CBFA2T2: variants seen among roughly 807,000 people sequenced by gnomAD.
CBFA2T2 encodes protein CBFA2T2.
CBFA2T2 carries 11 observed loss-of-function variants against 62.2 expected under a neutral mutation model. That is an observed-to-expected ratio of 0.18 (90% CI 0.11 to 0.29). CBFA2T2 has a LOEUF of 0.29. Ranked by LOEUF, CBFA2T2 falls within the 10% of genes least tolerant of loss-of-function variation. CBFA2T2 has a pLI of 1.00. For synonymous variants in CBFA2T2, 295 were observed against 287.5 expected, an observed-to-expected ratio of 1.03 and a Z score of -0.27; for missense variants, 592 against 774.1, an observed-to-expected ratio of 0.76 and a Z score of 2.79.
At position 33,606,972 on chromosome 20, in the gene CBFA2T2, G is replaced by A. The variant is rs2015364030; in HGVS notation, c.51G>A (p.Arg17=). The A allele has an allele frequency of 6.2e-7, 1 of 1,613,614 alleles. No homozygotes were observed. Among genetic ancestry groups the A allele is most frequent in the Non-Finnish European group, 8.5e-7 (1 of 1,179,684 alleles). The change falls in exon 2 of 11, where the codon AGG becomes AGA. Residue 17 remains arginine, a synonymous_variant. Coordinates refer to ENST00000342704, the MANE Select transcript of CBFA2T2 (RefSeq NM_001032999.3). ...TCTCTGCAGTTGGTCCTGAGAAAAG[G>A]GTGCCAGCGATGCCTGGATCGCCTG... ...AAAFQLGPEK[R]VPAMPGSPVE...
At chr20:33,512,068 G>A (rs8121808) in intron 1 of CBFA2T2, among the ~76,000 whole-genome samples, 2 of 152,084 alleles carry the variant, frequency 1.3e-5, no homozygotes, top group South Asian at 4.1e-4. Flanking sequence ...GCCCAGCTAC[G>A]TGGGAGGCTG....
intron 1 of CBFA2T2, among the ~76,000 whole-genome samples, chr20:33,496,289 A>T (rs1310738898): frequency 3.9e-5 from 6 of 152,206 alleles, no homozygotes; most frequent in African/African-American, 1.2e-4. Flanking sequence ...ATACCTTGTT[A>T]ATAGTGAATT....
chr20:33,522,781 T>C (rs751750671), intron 1 of CBFA2T2, among the ~76,000 whole-genome samples: 26 of 152,048 alleles, frequency 1.7e-4, no homozygotes, highest in Non-Finnish European at 2.5e-4. Flanking sequence ...AAACAGAACC[T>C]GTATTATAGT....
chr20:33,612,619 G>A (rs183805221), intron 3 of CBFA2T2, among the ~76,000 whole-genome samples: 129 of 152,218 alleles, frequency 8.5e-4, no homozygotes, highest in African/African-American at 3.0e-3. Context: ...TCTTCTTACT[G>A]CATTTATTTT....
chr20:33,610,458 G>T (rs937389914), intron 2 of CBFA2T2, among the ~76,000 whole-genome samples: 1 of 152,212 alleles, frequency 6.6e-6, no homozygotes, highest in African/African-American at 2.4e-5. Context: ...GTCCTGCATG[G>T]AATCAGGAAG....
chr20:33,607,958 T>C (rs931221814), intron 2 of CBFA2T2, among the ~76,000 whole-genome samples: 1 of 152,186 alleles, frequency 6.6e-6, no homozygotes, highest in Non-Finnish European at 1.5e-5. Context: ...TACAGTACCA[T>C]TATACACCCA....
At chr20:33,544,945 CAGAATAGAATAG>C (rs1361714059) in intron 1 of CBFA2T2, among the ~76,000 whole-genome samples, 2 of 130,980 alleles carry the variant, frequency 1.5e-5, no homozygotes, top group Admixed American at 8.0e-5. Flanking sequence ...TAGAATAGAA[CAGAATAGAATAG>C]AATAGAATAG....
intron 3 of CBFA2T2, among the ~76,000 whole-genome samples, chr20:33,615,425 C>G (rs548578413): frequency 1.3e-5 from 2 of 152,196 alleles, no homozygotes; most frequent in South Asian, 4.2e-4. Context: ...ACAATATACA[C>G]CAAGATAATC....
At position 33,623,120 on chromosome 20, in the gene CBFA2T2, C is replaced by T; in HGVS notation, c.516C>T (p.Asn172=). 1 of 1,614,204 alleles carries T rather than the reference C, an allele frequency of 6.2e-7. No homozygotes were observed. Among genetic ancestry groups the T allele is most frequent in the Non-Finnish European group, 8.5e-7 (1 of 1,180,030 alleles). The change falls in exon 5 of 11, where the codon AAC becomes AAT. Residue 172 remains asparagine (N), a synonymous_variant. Transcript: ENST00000342704. ...AACTGCCTCTTCCTTTCAAGGCCAA[C>T]CTGCCCCTGCTGCAGCGGGAACTGC... The part of the protein sequence containing the change: ...RPFVIPFLKA[N]LPLLQRELLH...
At chr20:33,493,295 C>A (rs2011163107) in intron 1 of CBFA2T2, among the ~76,000 whole-genome samples, 1 of 149,036 alleles carries the variant, frequency 6.7e-6, no homozygotes, top group Non-Finnish European at 1.5e-5. Context: ...AGGCTGGTCT[C>A]GAACGCCTGA....
intron 1 of CBFA2T2, among the ~76,000 whole-genome samples, chr20:33,534,054 C>T (rs2012135199): frequency 6.6e-6 from 1 of 152,154 alleles, no homozygotes; most frequent in African/African-American, 2.4e-5. Context: ...GTCTTGAACT[C>T]CTGGGCTCTA....
chr20:33,628,248 T>C (rs1010511407), intron 6 of CBFA2T2, 102 bp from the exon 7 acceptor site: 1 of 785,168 alleles, frequency 1.3e-6, no homozygotes, highest in African/African-American at 1.7e-5. Flanking sequence ...GCCTTAGTAG[T>C]GTGATCAAAG....
chr20:33,562,153 T>C (rs537722391), intron 1 of CBFA2T2, among the ~76,000 whole-genome samples: 2 of 152,356 alleles, frequency 1.3e-5, no homozygotes, highest in East Asian at 3.9e-4. Context: ...TCTGTGTGTC[T>C]CTACGTGTTA....
At chr20:33,634,102 G>C (rs1230584153) in intron 8 of CBFA2T2, among the ~76,000 whole-genome samples, 5 of 151,998 alleles carry the variant, frequency 3.3e-5, no homozygotes, top group African/African-American at 9.7e-5. Flanking sequence ...CCAAGTAGCT[G>C]GAATTACAGG....
At chr20:33,642,637 C>T (rs2016899527) in intron 10 of CBFA2T2, among the ~76,000 whole-genome samples, 1 of 151,618 alleles carries the variant, frequency 6.6e-6, no homozygotes, top group Non-Finnish European at 1.5e-5. Flanking sequence ...AAGGTGATGA[C>T]GATGGCAAGA....
At chr20:33,527,475 C>G (rs774863549) in intron 1 of CBFA2T2, among the ~76,000 whole-genome samples, 13 of 149,726 alleles carry the variant, frequency 8.7e-5, no homozygotes, top group African/African-American at 3.0e-4. Flanking sequence ...CGGGTTCAAG[C>G]AGTTCTCCTG....
At chr20:33,643,849 G>A (rs536516422) in intron 10 of CBFA2T2, among the ~76,000 whole-genome samples, 3 of 121,506 alleles carry the variant, frequency 2.5e-5, no homozygotes, top group South Asian at 5.1e-4. Flanking sequence ...GTGTGTGTGT[G>A]TGTGTGTGTG....
chr20:33,540,540 T>G (rs1195369255), intron 1 of CBFA2T2, among the ~76,000 whole-genome samples: 2 of 152,206 alleles, frequency 1.3e-5, no homozygotes, highest in African/African-American at 4.8e-5. Context: ...TAAACCTGAT[T>G]AATATGCAAA....
At chr20:33,626,166 A>G (rs1407003295) in intron 6 of CBFA2T2, among the ~76,000 whole-genome samples, 2 of 152,198 alleles carry the variant, frequency 1.3e-5, no homozygotes, top group African/African-American at 4.8e-5. Context: ...CTTGAGCCCA[A>G]GAGGTCAAGA....
Sources: allele counts gnomAD v4.1 joint callset (sites outside exome capture counted in the v4.1 genomes callset), GRCh38; gene constraint gnomAD v4.1.1; transcripts MANE v1.5; gene names NCBI Gene and HGNC (gene_info 2026-07-23, HGNC 2026-07-21).